DHRS11: variants seen among roughly 807,000 people sequenced by gnomAD.
DHRS11 encodes the protein dehydrogenase/reductase SDR family member 11.
In DHRS11, 18 loss-of-function variants were observed where a neutral mutation model predicts 30.7. The ratio of observed to expected loss-of-function variants is 0.59; its 90% CI spans 0.41 to 0.87. The LOEUF (loss-of-function observed/expected upper bound fraction) is 0.87, where lower values mean the gene tolerates loss of function less well. Ranked by LOEUF, DHRS11 falls within the 40% of genes least tolerant of loss-of-function variation. DHRS11 has a pLI of 0.00. For synonymous variants in DHRS11, 123 were observed against 139.6 expected (o/e 0.88, Z 0.84); for missense variants, 300 against 349.0 (o/e 0.86, Z 1.12).
At chr17:36,595,923 T>A (rs2074807174) in intron 2 of DHRS11, among the ~76,000 whole-genome samples, 1 of 152,216 alleles carries the variant, frequency 6.6e-6, no homozygotes, top group African/African-American at 2.4e-5. Flanking sequence ...TATGTGACTT[T>A]AGGCAGGTTG....
At position 36,592,232 on chromosome 17, in the gene DHRS11, G is replaced by T; in HGVS notation, c.147+76G>T. ...GTCGGGTTCACCTGCCCGCCACGCC[G>T]GGGCCCTTTGCTCTAGTCGGGGCGG... is the stretch of plus-strand genomic sequence containing the variant. On this transcript the variant is annotated intron_variant, in intron 1 of 6. Transcript: ENST00000618403. The surrounding 1 kb of genome is among the most constrained non-coding windows in gnomAD (Gnocchi z 4.4). 1 of 1,229,024 alleles carries T rather than the reference G, an allele frequency of 8.1e-7. No homozygotes were observed. Among genetic ancestry groups the T allele is most frequent in the Non-Finnish European group, 1.0e-6 (1 of 984,750 alleles). 76.1% of individuals were successfully genotyped at this position (1,229,024 alleles called of 1,614,324 possible). A position where few individuals can be genotyped will look rare whatever the true frequency, so the allele number is the denominator to read the frequency against.
At chr17:36,597,043 A>G in intron 2 of DHRS11, 1 of 347,056 alleles carries the variant, frequency 2.9e-6, no homozygotes, top group Non-Finnish European at 5.7e-6. Flanking sequence ...GGATCATCCT[A>G]TGAGGCATCT....
intron 4 of DHRS11, 38 bp downstream of exon 4, chr17:36,599,088 C>T (rs769287307): frequency 1.1e-5 from 18 of 1,597,360 alleles, no homozygotes; most frequent in African/African-American, 2.7e-5. Flanking sequence ...CACAGGGTGG[C>T]GCAGGCCCTC....
At chr17:36,596,936 C>G (rs975466162) in intron 2 of DHRS11, 1 of 463,158 alleles carries the variant, frequency 2.2e-6, no homozygotes, top group African/African-American at 2.0e-5. Flanking sequence ...GCACATGGGT[C>G]TCTAAACCTG....
intron 1 of DHRS11, among the ~76,000 whole-genome samples, chr17:36,593,562 A>G (rs953565186): frequency 2.0e-5 from 3 of 152,314 alleles, no homozygotes; most frequent in Admixed American, 6.5e-5. Context: ...GTTAAAGCAG[A>G]ATTTGGGTTC....
At position 36,600,241 on chromosome 17, in the gene DHRS11, T is replaced by G; in HGVS notation, c.*38T>G. On this transcript the variant is annotated 3_prime_UTR_variant, in exon 7 of 7. Transcript: ENST00000618403. ...CTCCTCCTTCCCTCCCCACCCTTCA[T>G]GGCTTGCCTCCTGCCTCTGGATTTT... 1 of 1,613,602 alleles carries G rather than the reference T, an allele frequency of 6.2e-7. No individual in the cohort carries two copies.
chr17:36,597,112 G>T, intron 2 of DHRS11: 2 of 273,868 alleles, frequency 7.3e-6, no homozygotes, highest in Non-Finnish European at 1.5e-5. Flanking sequence ...GGTCCCAGGG[G>T]ATCTATTTCT....
At chr17:36,599,114 C>T (rs139875682) in intron 4 of DHRS11, 64 bp downstream of exon 4, 20 of 1,561,956 alleles carry the variant, frequency 1.3e-5, no homozygotes, top group East Asian at 9.1e-5. Context: ...CCACACACAC[C>T]GTTCAGGAAG....
At chr17:36,594,580 A>AT (rs2074794087) in intron 1 of DHRS11, 2 of 247,240 alleles carry the variant, frequency 8.1e-6, no homozygotes, top group Non-Finnish European at 1.6e-5. Flanking sequence ...CACCCAGCTA[A>AT]TTTTTGTATT....
At chr17:36,593,912 T>C (rs1220974692) in intron 1 of DHRS11, among the ~76,000 whole-genome samples, 1 of 152,220 alleles carries the variant, frequency 6.6e-6, no homozygotes, top group Non-Finnish European at 1.5e-5. Flanking sequence ...TCTTCTTGCC[T>C]CTGAATGTCA....
Position 36,595,062 on chromosome 17 carries a change from TGTTCTCAGCTATCC to T in DHRS11, c.249_262del (p.Ile84GlnfsTer16), listed in dbSNP as rs748805850. 9.3e-6 allele frequency: 15 copies of T among 1,614,096 alleles called. No individual in the cohort carries two copies. In the African/African-American group the frequency reaches 1.7e-4, roughly 19 times the overall value. ...TCAAATGAAGAGGACATCCTCTCCA[TGTTCTCAGCTATCC>T]GTTCTCAGCACAGCGGTGTAGACAT... On this transcript the variant is annotated frameshift_variant, in exon 2 of 7. Coordinates refer to ENST00000618403, the MANE Select transcript of DHRS11 (RefSeq NM_024308.4). LOFTEE classifies it high-confidence loss of function.
rs781557760 is a variant in DHRS11 at position 36,600,052 on chromosome 17, G to C, written c.741+15G>C. The C allele has an allele frequency of 3.2e-5, 52 of 1,613,752 alleles. No homozygotes were observed. Among genetic ancestry groups the C allele is most frequent in the Non-Finnish European group, 4.0e-5 (47 of 1,179,898 alleles). On this transcript the variant is annotated intron_variant, in intron 6 of 6. Transcript: ENST00000618403. ...CACACATCCAGGTGAGTCTGGCCCTGACTGTCTACTCACTGGAGGAACCCA... is the reference window on the plus strand; with the variant it reads ...CACACATCCAGGTGAGTCTGGCCCTCACTGTCTACTCACTGGAGGAACCCA...
intron 2 of DHRS11, chr17:36,597,823 G>A: frequency 2.5e-6 from 1 of 406,996 alleles, no homozygotes; most frequent in South Asian, 2.8e-5. Context: ...GATTCCCTAT[G>A]GAATTAGAGG....
chr17:36,600,644 T>C lies in DHRS11; in HGVS notation c.*441T>C. On this transcript the variant is annotated 3_prime_UTR_variant, in exon 7 of 7. Transcript: ENST00000618403. ...CCTCTGCCTGCCCCACTGCACCCTC[T>C]CCCCCTTATCTATCTCCTTCTCGGC... is the stretch of plus-strand genomic sequence containing the variant. 8.5e-6 allele frequency: 2 copies of C among 234,558 alleles called. No individual in the cohort carries two copies. Among genetic ancestry groups the C allele is most frequent in the Non-Finnish European group, 1.7e-5 (2 of 118,246 alleles). The allele number at this position is 234,558 out of a possible 1,614,324, so 14.5% of individuals were successfully genotyped here.
At position 36,600,368 on chromosome 17, in the gene DHRS11, T is replaced by C; in HGVS notation, c.*165T>C. The C allele has an allele frequency of 1.3e-6, 1 of 783,372 alleles. No individual in the cohort carries two copies. Among genetic ancestry groups the C allele is most frequent in the Non-Finnish European group, 2.0e-6 (1 of 488,636 alleles). 48.5% of individuals were successfully genotyped at this position (783,372 alleles called of 1,614,324 possible). A position where few individuals can be genotyped will look rare whatever the true frequency, so the allele number is the denominator to read the frequency against. ...TTTTATATCATCTTGTCAAATTGCTTCAGTTGTAAATGTGAAAAATGGGCT... is the reference window on the plus strand; with the variant it reads ...TTTTATATCATCTTGTCAAATTGCTCCAGTTGTAAATGTGAAAAATGGGCT... On this transcript the variant is annotated 3_prime_UTR_variant, in exon 7 of 7. Transcript: ENST00000618403.
At position 36,591,907 on chromosome 17, in the gene DHRS11, G is replaced by T; in HGVS notation, c.-103G>T. On this transcript the variant is annotated 5_prime_UTR_variant, in exon 1 of 7. Transcript: ENST00000618403. ...ACTCTGGTGGGTCTAGGCGCGGATC[G>T]GACCCAAGCAGGTCGGCGGCGGCGG... is the stretch of plus-strand genomic sequence containing the variant. 1 of 1,167,576 alleles carries T rather than the reference G, an allele frequency of 8.6e-7. No homozygotes were observed. Among genetic ancestry groups the T allele is most frequent in the Non-Finnish European group, 1.1e-6 (1 of 934,736 alleles). The allele number at this position is 1,167,576 out of a possible 1,614,324, so 72.3% of individuals were successfully genotyped here.
chr17:36,599,338 G>C (rs573982442), intron 4 of DHRS11: 71 of 550,490 alleles, frequency 1.3e-4, no homozygotes, highest in East Asian at 1.0e-3. Context: ...GCTGGAAACC[G>C]GGACTCTGGG....
chr17:36,596,634 A>C, intron 2 of DHRS11: 1 of 362,850 alleles, frequency 2.8e-6, no homozygotes, highest in South Asian at 2.2e-5. Context: ...GAAACTTTCC[A>C]GTACATGTTG....
At chr17:36,599,580 G>T (rs901937189) in intron 4 of DHRS11, 91 bp from the exon 5 acceptor site, 2 of 1,329,872 alleles carry the variant, frequency 1.5e-6, no homozygotes, top group Admixed American at 1.8e-5. Flanking sequence ...TCACTGTGAA[G>T]CTGGGGTTCT....
Sources: allele counts gnomAD v4.1 joint callset (sites outside exome capture counted in the v4.1 genomes callset), GRCh38; gene constraint gnomAD v4.1.1; non-coding constraint Gnocchi (gnomAD v3.1); transcripts MANE v1.5; gene names NCBI Gene and HGNC (gene_info 2026-07-23, HGNC 2026-07-21).